PACS2: variants seen among roughly 807,000 people sequenced by gnomAD.
PACS2 encodes the protein phosphofurin acidic cluster sorting protein 2, also known as PACS1-like protein.
In PACS2, 36 loss-of-function variants were observed where a neutral mutation model predicts 113.0. The observed-to-expected ratio is 0.32, with a 90% CI of 0.24 to 0.42. The LOEUF is 0.42. Ranked by LOEUF, PACS2 falls within the 10% of genes least tolerant of loss-of-function variation. The probability of loss-of-function intolerance (pLI) is 1.00; values close to 1 mark genes in which losing one functional copy is unlikely to be tolerated. For synonymous variants in PACS2, 589 were observed against 536.1 expected (o/e 1.10, Z -1.36); for missense variants, 1,015 against 1,239.5 (o/e 0.82, Z 2.72).
intron 1 of PACS2, among the ~76,000 whole-genome samples, chr14:105,343,638 T>C (rs1329189961): frequency 6.6e-6 from 1 of 152,216 alleles, no homozygotes; most frequent in Non-Finnish European, 1.5e-5. Context: ...CATCTTTTCA[T>C]GTGCTTATTT....
chr14:105,370,035 A>G (rs762325436), intron 8 of PACS2, 135 bp downstream of exon 8: 106 of 768,472 alleles, frequency 1.4e-4, no homozygotes, highest in Non-Finnish European at 1.3e-4. Flanking sequence ...CCAGCATCGC[A>G]CAGTCTGCGA....
intron 9 of PACS2, among the ~76,000 whole-genome samples, chr14:105,379,001 G>A (rs58414826): frequency 0.036 from 5,495 of 152,168 alleles, 317 homozygotes; most frequent in African/African-American, 0.12. Context: ...TGGGTGGTCC[G>A]GAAAGGCATG....
chr14:105,372,302 C>T (rs2061185047), intron 8 of PACS2: 1 of 152,248 alleles, frequency 6.6e-6, no homozygotes, highest in Admixed American at 6.5e-5. Context: ...AAAGGTGGCA[C>T]ACCTGGATAG....
In PACS2 at chr14:105,326,866, C is replaced by T. The variant is rs184789433; in HGVS notation, c.119+11829C>T. Among the ~76,000 whole-genome samples the T allele has an allele frequency of 3.9e-5, 6 of 152,296 alleles. No individual in the cohort carries two copies. The South Asian group carries it at 6.2e-4, about 16-fold the overall frequency. On this transcript the variant is annotated intron_variant, in intron 1 of 24. Coordinates refer to ENST00000447393, the MANE Select transcript of PACS2 (RefSeq NM_001100913.3). ...GGTGCCCTGGGTGGCCTCCAGTCAC[C>T]GCCAGCCTGCCCCTTGCAGTCAGTC...
chr14:105,332,992 T>C (rs950364656), intron 1 of PACS2, among the ~76,000 whole-genome samples: 1 of 152,188 alleles, frequency 6.6e-6, no homozygotes, highest in Non-Finnish European at 1.5e-5. Flanking sequence ...GCTCCGCTCC[T>C]GTGGGCTGCG....
intron 20 of PACS2, chr14:105,390,276 C>A (rs1243282838): frequency 5.9e-6 from 3 of 504,470 alleles, no homozygotes; most frequent in Non-Finnish European, 1.1e-5. Flanking sequence ...CCTCAGAACA[C>A]CCAGGAGGCT....
intron 1 of PACS2, among the ~76,000 whole-genome samples, chr14:105,301,576 C>G (rs1232540675): frequency 1.3e-5 from 2 of 152,200 alleles, no homozygotes; most frequent in African/African-American, 4.8e-5. Context: ...CAGGGGCCAC[C>G]CTGCCCCGCC....
At position 105,321,906 on chromosome 14, in the gene PACS2, T is replaced by C. The variant is rs77852441; in HGVS notation, c.119+6869T>C. Among the ~76,000 whole-genome samples the C allele has an allele frequency of 3.9e-5, 6 of 152,236 alleles. No homozygotes were observed. In the East Asian group the frequency reaches 9.6e-4, roughly 24 times the overall value. ...GATGTGTCTTTGGTTATTCAGCATG[T>C]ATCTAGATTTCATTTTCATTCACTC... On this transcript the variant is annotated intron_variant, in intron 1 of 24. Transcript: ENST00000447393.
Position 105,350,873 on chromosome 14 carries a change from A to G in PACS2, c.208-1505A>G, listed in dbSNP as rs184307763. ...GACCACAACGCAGGGGCAGCTGGGG[A>G]GAGGAGAGGGGACAGGAGGGCTGGC... On this transcript the variant is annotated intron_variant, in intron 2 of 24. Transcript: ENST00000447393. 1.5e-4 allele frequency among the ~76,000 whole-genome samples: 23 copies of G among 152,254 alleles called. No homozygotes were observed. In the East Asian group the frequency reaches 4.4e-3, roughly 29 times the overall value.
In PACS2 at chr14:105,382,842, C is replaced by G. The variant is rs781856288; in HGVS notation, c.1554C>G (p.Pro518=). ...ACGTCCTGCAGAGGCACACGCTCCC[C>G]GTGGTGTGCACGTGCTCTCCTGCGG... is the stretch of plus-strand genomic sequence containing the variant. ...LSDVLQRHTL[P]VVCTCSPADV... The change falls in exon 15 of 25, where the codon CCC becomes CCG. Residue 518 remains proline (P), a synonymous_variant. Coordinates refer to ENST00000447393, the MANE Select transcript of PACS2 (RefSeq NM_001100913.3). 1.0e-5 allele frequency: 16 copies of G among 1,606,806 alleles called. No individual in the cohort carries two copies. The highest frequency in any genetic ancestry group is 1.4e-5 in the Non-Finnish European group (16 of 1,178,904).
intron 19 of PACS2, chr14:105,389,569 G>T (rs781953300): frequency 1.9e-4 from 49 of 257,008 alleles, no homozygotes; most frequent in Non-Finnish European, 3.3e-4. Flanking sequence ...GAGCAGGGGT[G>T]CCCAGCTTGG....
intron 1 of PACS2, among the ~76,000 whole-genome samples, chr14:105,341,841 C>T (rs1245157963): frequency 6.6e-6 from 1 of 152,218 alleles, no homozygotes; most frequent in African/African-American, 2.4e-5. Context: ...CCACGTTCCC[C>T]CTGGGCAGGA....
intron 1 of PACS2, among the ~76,000 whole-genome samples, chr14:105,305,924 C>G (rs1396014481): frequency 6.6e-6 from 1 of 152,236 alleles, no homozygotes; most frequent in African/African-American, 2.4e-5. Context: ...AAAGAGGACG[C>G]TGGAAACGTG....
chr14:105,392,766 CAGGCTGCCCAGCAGCGGCG>C lies in PACS2; in HGVS notation c.2411_2429del (p.Pro804GlnfsTer8). The C allele has an allele frequency of 6.2e-7, 1 of 1,611,964 alleles. No homozygotes were observed. The highest frequency in any genetic ancestry group is 8.5e-7 in the Non-Finnish European group (1 of 1,179,990). ...GCACTTTCCGGTCCCTCCAGGTCAG[CAGGCTGCCCAGCAGCGGCG>C]AGGCTGCAGCCACGCCCACCATGTC... On this transcript the variant is annotated frameshift_variant, in exon 23 of 25. Transcript: ENST00000447393. LOFTEE classifies it high-confidence loss of function.
chr14:105,353,360 C>A (rs2060306936), intron 3 of PACS2, among the ~76,000 whole-genome samples: 1 of 133,206 alleles, frequency 7.5e-6, no homozygotes, highest in African/African-American at 3.0e-5. Flanking sequence ...TCATCACTGT[C>A]CCCTGGGGTG....
chr14:105,304,293 C>T (rs1463133251), intron 1 of PACS2, among the ~76,000 whole-genome samples: 4 of 152,072 alleles, frequency 2.6e-5, no homozygotes, highest in South Asian at 2.1e-4. Flanking sequence ...AGATCAAGAC[C>T]GTCCTGGCCA....
chr14:105,345,404 C>T (rs587639874), intron 1 of PACS2, among the ~76,000 whole-genome samples: 2 of 151,604 alleles, frequency 1.3e-5, no homozygotes, highest in South Asian at 4.2e-4. Context: ...GAGACTCCGT[C>T]TTGAGAAAAA....
chr14:105,381,953 A>G lies in PACS2; in HGVS notation c.1308A>G (p.Thr436=), dbSNP rs2081010157. The G allele has an allele frequency of 6.4e-7, 1 of 1,550,892 alleles. No homozygotes were observed. Among genetic ancestry groups the G allele is most frequent in the Non-Finnish European group, 8.7e-7 (1 of 1,147,158 alleles). The change falls in exon 13 of 25, where the codon ACA becomes ACG. Residue 436 remains threonine, a synonymous_variant. Coordinates refer to ENST00000447393, the MANE Select transcript of PACS2 (RefSeq NM_001100913.3). Reference sequence around the variant, plus strand: ...AGGCTGGCCGACGGGGCCGGAGCACATCCTTGAAGGAGCGGCAGGCAGCAC... The same window carrying G: ...AGGCTGGCCGACGGGGCCGGAGCACGTCCTTGAAGGAGCGGCAGGCAGCAC... ...GKQAGRRGRS[T]SLKERQAARP...
intron 11 of PACS2, 108 bp from the exon 12 acceptor site, chr14:105,380,849 G>A: frequency 9.1e-7 from 1 of 1,097,158 alleles, no homozygotes; most frequent in Non-Finnish European, 1.3e-6. Flanking sequence ...AGGAGCCACG[G>A]CCTAGAGAGG....
Sources: allele counts gnomAD v4.1 joint callset (sites outside exome capture counted in the v4.1 genomes callset), GRCh38; gene constraint gnomAD v4.1.1; transcripts MANE v1.5; gene names NCBI Gene and HGNC (gene_info 2026-07-23, HGNC 2026-07-21).